The following RUNX1T1 variants were observed in gnomAD, a reference collection of about 807,000 sequenced individuals.
RUNX1T1 encodes the protein RUNX1 partner transcriptional co-repressor 1, also known as protein CBFA2T1.
A neutral mutation model predicts 62.8 loss-of-function variants in RUNX1T1; 4 were observed. The observed-to-expected ratio is 0.06, with a 90% CI of 0.03 to 0.15. The LOEUF (loss-of-function observed/expected upper bound fraction) is 0.15, where lower values mean the gene tolerates loss of function less well. Ranked by LOEUF, RUNX1T1 falls within the 10% of genes least tolerant of loss-of-function variation. The pLI is 1.00. For missense variants in RUNX1T1, 508 were observed against 754.3 expected (o/e 0.67, Z 3.82); for synonymous variants, 291 against 286.0 (o/e 1.02, Z -0.18).
exon 1 of RUNX1T1, chr8:92,062,638 T>C (rs1001713122): frequency 6.2e-7 from 1 of 1,613,658 alleles, no homozygotes; most frequent in Admixed American, 1.7e-5. Flanking sequence ...CTGGAATGAG[T>C]GGCAGCAGAG....
chr8:92,074,096 T>A (rs1294072306), intron 2 of RUNX1T1, among the ~76,000 whole-genome samples: 1 of 152,156 alleles, frequency 6.6e-6, no homozygotes, highest in Non-Finnish European at 1.5e-5. Flanking sequence ...GACATCATGT[T>A]TAAAGTATGT....
intron 1 of RUNX1T1, among the ~76,000 whole-genome samples, chr8:92,089,512 A>G (rs973247854): frequency 6.6e-6 from 1 of 152,058 alleles, no homozygotes; most frequent in African/African-American, 2.4e-5. Flanking sequence ...AGCGAGTCCA[A>G]ACTTTGAGAC....
At chr8:91,998,565 C>T (rs1819148700) in intron 5 of RUNX1T1, among the ~76,000 whole-genome samples, 1 of 152,164 alleles carries the variant, frequency 6.6e-6, no homozygotes, top group Non-Finnish European at 1.5e-5. Context: ...TCAAGGATTG[C>T]AATATGCAGG....
At chr8:91,957,861 C>A (rs1380389478), downstream of RUNX1T1, 1 of 222,426 alleles carries the variant, frequency 4.5e-6, no homozygotes, top group East Asian at 6.5e-5. Flanking sequence ...GATGGACTTC[C>A]AACATGTAGA....
rs568105755 is a variant in RUNX1T1 at position 92,017,513 on chromosome 8, A to T, written c.8-150T>A. 25 of 1,526,722 alleles carry T rather than the reference A, an allele frequency of 1.6e-5. No individual in the cohort carries two copies. In the African/African-American group the frequency reaches 3.0e-4, roughly 19 times the overall value. The allele number at this position is 1,526,722 out of a possible 1,614,324, so 94.6% of individuals were successfully genotyped here. A position where few individuals can be genotyped will look rare whatever the true frequency, so the allele number is the denominator to read the frequency against. On this transcript the variant is annotated intron_variant, in intron 1 of 10. Transcript: ENST00000396218. The stretch of plus-strand genomic sequence containing the variant: ...CTTATCTACTGACGTTTAAATCAGG[A>T]TTTTATCATCCAAACCCCACTTAAG...
intron 1 of RUNX1T1, among the ~76,000 whole-genome samples, chr8:92,086,826 C>T (rs1385011140): frequency 6.6e-6 from 1 of 152,206 alleles, no homozygotes; most frequent in African/African-American, 2.4e-5. Context: ...CCTGCCCCTG[C>T]CTCTTCCTTC....
intron 1 of RUNX1T1, chr8:92,095,281 C>A: frequency 6.6e-7 from 1 of 1,517,674 alleles, no homozygotes; most frequent in Non-Finnish European, 8.8e-7. Context: ...CTCCCCACGC[C>A]CCCCTTCCTC....
chr8:92,026,730 G>A (rs548831632), intron 1 of RUNX1T1, among the ~76,000 whole-genome samples: 2 of 152,248 alleles, frequency 1.3e-5, no homozygotes, highest in Admixed American at 1.3e-4. Flanking sequence ...GTTGAGGCAG[G>A]AGAATGGCGT....
At chr8:91,982,979 G>A (rs1278456954) in intron 8 of RUNX1T1, among the ~76,000 whole-genome samples, 1 of 125,300 alleles carries the variant, frequency 8.0e-6, no homozygotes, top group Non-Finnish European at 1.6e-5. Flanking sequence ...CTAGGCTCGA[G>A]TGCAATGGCG....
intron 4 of RUNX1T1, among the ~76,000 whole-genome samples, chr8:92,008,725 T>A (rs1472190576): frequency 6.6e-6 from 1 of 152,170 alleles, no homozygotes; most frequent in Admixed American, 6.6e-5. Context: ...AGTTGATTTT[T>A]AAGATACATT....
intron 10 of RUNX1T1, among the ~76,000 whole-genome samples, chr8:91,964,723 C>T (rs1811217618): frequency 6.6e-6 from 1 of 152,128 alleles, no homozygotes; most frequent in African/African-American, 2.4e-5. Context: ...AACTTCAGAT[C>T]TTTTATTAGC....
At chr8:92,101,282 C>T (rs950066829), upstream of RUNX1T1, among the ~76,000 whole-genome samples, 3 of 152,268 alleles carry the variant, frequency 2.0e-5, 1 homozygote, top group South Asian at 6.2e-4. Flanking sequence ...TGCGGACAGC[C>T]ATTTATATAC....
intron 1 of RUNX1T1, among the ~76,000 whole-genome samples, chr8:92,030,029 C>T (rs1213927663): frequency 1.3e-5 from 2 of 151,980 alleles, no homozygotes; most frequent in East Asian, 3.9e-4. Flanking sequence ...TTCAAATGAC[C>T]AACAACCTAG....
At chr8:91,971,078 G>C in intron 9 of RUNX1T1, 2 of 398,788 alleles carry the variant, frequency 5.0e-6, no homozygotes, top group Admixed American at 8.5e-5. Flanking sequence ...TATAGAAGAA[G>C]CATGACTCTC....
upstream of RUNX1T1, chr8:92,063,610 G>C (rs1341684351): frequency 6.6e-6 from 1 of 152,160 alleles, no homozygotes; most frequent in African/African-American, 2.4e-5. Context: ...TCTAAAGCTG[G>C]CTATTTTCTT....
At chr8:91,996,328 A>G (rs1039952195) in intron 5 of RUNX1T1, among the ~76,000 whole-genome samples, 6 of 152,014 alleles carry the variant, frequency 3.9e-5, no homozygotes, top group Non-Finnish European at 7.4e-5. Flanking sequence ...CAGCCTCCTG[A>G]GTAGCTGGGA....
intron 8 of RUNX1T1, among the ~76,000 whole-genome samples, chr8:91,983,653 A>T (rs1336385696): frequency 6.6e-6 from 1 of 152,158 alleles, no homozygotes. Flanking sequence ...GCGCACATGC[A>T]CTCCATTAAA....
exon 11 of RUNX1T1, chr8:91,958,955 CT>C (rs35061826): frequency 0.057 from 10,077 of 176,436 alleles, 171 homozygotes; most frequent in African/African-American, 0.1. Flanking sequence ...TCTTTTTTTC[CT>C]TTTTTTTTTT....
intron 1 of RUNX1T1, among the ~76,000 whole-genome samples, chr8:92,038,101 T>C (rs1057396984): frequency 1.3e-5 from 2 of 150,164 alleles, no homozygotes; most frequent in African/African-American, 5.0e-5. Flanking sequence ...CTCACTCTGT[T>C]GTACAGGCTA....
Sources: allele counts gnomAD v4.1 joint callset (sites outside exome capture counted in the v4.1 genomes callset), GRCh38; gene constraint gnomAD v4.1.1; transcripts MANE v1.5; gene names NCBI Gene and HGNC (gene_info 2026-07-23, HGNC 2026-07-21).